MME: variants seen among roughly 807,000 people sequenced by gnomAD.
MME encodes the protein membrane metalloendopeptidase.
In MME, 98 loss-of-function variants were observed where a neutral mutation model predicts 113.2. The observed-to-expected ratio is 0.87, with a 90% CI of 0.74 to 1.02. The LOEUF (loss-of-function observed/expected upper bound fraction) is 1.02, where lower values mean the gene tolerates loss of function less well. Among genes scored for constraint, MME ranks in the 50% least tolerant of loss-of-function variants. The probability of loss-of-function intolerance (pLI) is 0.00; values close to 1 mark genes in which losing one functional copy is unlikely to be tolerated. For synonymous variants in MME, 292 were observed against 300.6 expected (o/e 0.97, Z 0.30); for missense variants, 836 against 896.0 (o/e 0.93, Z 0.86).
intron 3 of MME, among the ~76,000 whole-genome samples, chr3:155,113,965 G>A (rs1050627493): frequency 1.3e-5 from 2 of 152,112 alleles, no homozygotes; most frequent in Non-Finnish European, 2.9e-5. Flanking sequence ...CAATGGGGGG[G>A]CTTGAGGCTC....
intron 1 of MME, among the ~76,000 whole-genome samples, chr3:155,025,732 G>A (rs1576656868): frequency 2.9e-5 from 3 of 105,012 alleles, no homozygotes; most frequent in East Asian, 2.9e-4. Flanking sequence ...TCACTCTGTC[G>A]CCCAGGCTGG....
intron 1 of MME, among the ~76,000 whole-genome samples, chr3:155,057,211 A>G (rs1368736978): frequency 1.3e-5 from 2 of 152,200 alleles, no homozygotes; most frequent in Non-Finnish European, 2.9e-5. Flanking sequence ...ACAAAGGGCT[A>G]ATATCCAGAA....
chr3:155,158,013 G>A (rs1238711018), intron 16 of MME, among the ~76,000 whole-genome samples: 1 of 152,024 alleles, frequency 6.6e-6, no homozygotes, highest in Non-Finnish European at 1.5e-5. Context: ...CAAAAGGTAT[G>A]ACATTTATTT....
intron 20 of MME, 50 bp from the exon 21 acceptor site, chr3:155,172,067 A>G (rs752284095): frequency 6.4e-6 from 7 of 1,092,994 alleles, no homozygotes; most frequent in South Asian, 1.3e-5. Context: ...AGGTTTATAT[A>G]TAACCTTAGG....
At chr3:155,142,205 T>A in intron 11 of MME, 32 bp from the exon 12 acceptor site, 6 of 1,612,832 alleles carry the variant, frequency 3.7e-6, no homozygotes, top group African/African-American at 2.7e-5. Context: ...CCTCATCTTT[T>A]CTGTTGCTGG....
Position 155,084,995 on chromosome 3 carries a change from A to G in MME, c.161-64A>G. The G allele has an allele frequency of 3.4e-6, 4 of 1,189,428 alleles. No homozygotes were observed. In the South Asian group the frequency reaches 5.8e-5, roughly 17 times the overall value. 73.7% of individuals were successfully genotyped at this position (1,189,428 alleles called of 1,614,324 possible). On this transcript the variant is annotated intron_variant, in intron 2 of 22. Coordinates refer to ENST00000360490, the MANE Select transcript of MME (RefSeq NM_007289.4). Reference sequence around the variant, plus strand: ...TAATTGGCAGTTTTTAAAAGAACAAAAGAAAAATAGAAATTTAAAAATTTG... The same window carrying G: ...TAATTGGCAGTTTTTAAAAGAACAAGAGAAAAATAGAAATTTAAAAATTTG...
chr3:155,052,264 G>A (rs1256776963), intron 1 of MME, among the ~76,000 whole-genome samples: 1 of 152,048 alleles, frequency 6.6e-6, no homozygotes, highest in South Asian at 2.1e-4. Context: ...TCCCATTCTG[G>A]GATCTGGAAG....
At chr3:155,174,837 G>T (rs1712362977) in intron 22 of MME, among the ~76,000 whole-genome samples, 1 of 152,018 alleles carries the variant, frequency 6.6e-6, no homozygotes, top group Admixed American at 6.6e-5. Context: ...GCATTTATAA[G>T]CTCATAAAAA....
At chr3:155,172,720 G>T in intron 22 of MME, 108 bp downstream of exon 22, 15 of 790,648 alleles carry the variant, frequency 1.9e-5, no homozygotes, top group East Asian at 2.8e-5. Context: ...TGGAAATTCA[G>T]TGCTTTTTTT....
Position 155,067,458 on chromosome 3 carries a change from G to A in MME, c.-10-16700G>A, listed in dbSNP as rs571185235. 8.6e-5 allele frequency among the ~76,000 whole-genome samples: 13 copies of A among 151,490 alleles called. No homozygotes were observed. In the East Asian group the frequency reaches 2.2e-3, roughly 25 times the overall value. On this transcript the variant is annotated intron_variant, in intron 1 of 22. Coordinates refer to the MME transcript ENST00000492661. ...CCTGAGTATCTGGGATTACAGGTGC[G>A]TGCCACCATGCCTGGCTAATTTTTG... is the stretch of plus-strand genomic sequence containing the variant.
rs201350033 is a variant in MME, at chr3:155,080,447, T to C, written c.-30T>C. The C allele has an allele frequency of 2.0e-5, 3 of 152,132 alleles. No individual in the cohort carries two copies. Among genetic ancestry groups the C allele is most frequent in the Admixed American group, 6.5e-5 (1 of 15,278 alleles). The allele number at this position is 152,132 out of a possible 1,614,324, so 9.4% of individuals were successfully genotyped here. ...TGCTGTACAGACACTGATTTTTTTT[T>C]CTTCTTTTTAAAAAGCAAGGTTTGT... is the stretch of plus-strand genomic sequence containing the variant. On this transcript the variant is annotated 5_prime_UTR_variant, in exon 1 of 23. Transcript: ENST00000360490.
chr3:155,031,838 T>C (rs184045865), intron 1 of MME, among the ~76,000 whole-genome samples: 79 of 152,314 alleles, frequency 5.2e-4, no homozygotes, highest in Admixed American at 1.4e-3. Flanking sequence ...TTTGTATTTT[T>C]AGTAGAGACG....
intron 1 of MME, among the ~76,000 whole-genome samples, chr3:155,080,730 A>C (rs1396988376): frequency 1.3e-5 from 2 of 152,142 alleles, no homozygotes; most frequent in Admixed American, 1.3e-4. Context: ...ATTGCAACCA[A>C]ATATCCCTCT....
intron 1 of MME, among the ~76,000 whole-genome samples, chr3:155,064,364 A>T (rs1235244048): frequency 2.0e-5 from 3 of 152,176 alleles, no homozygotes. Context: ...CTGATTTGCA[A>T]AATATTCAAT....
chr3:155,142,391 G>A (rs928880585), intron 12 of MME, 61 bp downstream of exon 12: 1 of 1,351,602 alleles, frequency 7.4e-7, no homozygotes. Flanking sequence ...TGGTTATGAA[G>A]GCTTACCATG....
At position 155,172,741 on chromosome 3, in the gene MME, A is replaced by C. The variant is rs3816802; in HGVS notation, c.2153+129A>C. The C allele has an allele frequency of 0.094, 64,867 of 691,972 alleles. 4,380 individuals carry two copies. Among genetic ancestry groups the C allele is most frequent in the African/African-American group, 0.2 (10,630 of 53,106 alleles). The allele number at this position is 691,972 out of a possible 1,614,324, so 42.9% of individuals were successfully genotyped here. ...TTCAGTGCTTTTTTTTTTTTTTGAG[A>C]GTCAAAGGTAGGATCGAGAGAACAC... On this transcript the variant is annotated intron_variant, in intron 22 of 22. Coordinates refer to ENST00000360490, the MANE Select transcript of MME (RefSeq NM_007289.4).
intron 1 of MME, among the ~76,000 whole-genome samples, chr3:155,045,658 G>A (rs1051921611): frequency 6.6e-6 from 1 of 151,214 alleles, no homozygotes; most frequent in African/African-American, 2.4e-5. Flanking sequence ...ATCACTACCT[G>A]AGAGTGTCAA....
chr3:155,116,627 G>A, intron 5 of MME, 37 bp from the exon 6 acceptor site: 7 of 1,501,124 alleles, frequency 4.7e-6, no homozygotes, highest in Non-Finnish European at 5.5e-6. Context: ...ACTATGCCTA[G>A]ATTTCTAATT....
At position 155,093,521 on chromosome 3, in the gene MME, C is replaced by T. The variant is rs540392048; in HGVS notation, c.196+8427C>T. On this transcript the variant is annotated intron_variant, in intron 3 of 22. Transcript: ENST00000360490. ...TGGAAAAATGTGTTGGTTTTTCACA[C>T]AGGTGCTGCGAGATGTTTTCCTTTT... Among the ~76,000 whole-genome samples the T allele has an allele frequency of 3.9e-5, 6 of 152,242 alleles. No homozygotes were observed. In the South Asian group the frequency reaches 1.2e-3, roughly 32 times the overall value.
Sources: allele counts gnomAD v4.1 joint callset (sites outside exome capture counted in the v4.1 genomes callset), GRCh38; gene constraint gnomAD v4.1.1; transcripts MANE v1.5; gene names NCBI Gene and HGNC (gene_info 2026-07-23, HGNC 2026-07-21).